ANAPC5: variants seen among roughly 807,000 people sequenced by gnomAD.
The protein encoded by ANAPC5 is anaphase promoting complex subunit 5.
A neutral mutation model predicts 91.3 loss-of-function variants in ANAPC5; 60 were observed. That is an observed-to-expected ratio of 0.66 (90% CI 0.53 to 0.81). The LOEUF (loss-of-function observed/expected upper bound fraction) is 0.81, where lower values mean the gene tolerates loss of function less well. ANAPC5 is among the 40% of genes least tolerant of loss of function. The probability of loss-of-function intolerance (pLI) is 0.00; values close to 1 mark genes in which losing one functional copy is unlikely to be tolerated. For synonymous variants in ANAPC5, 340 were observed against 364.1 expected, an observed-to-expected ratio of 0.93 and a Z score of 0.75; for missense variants, 690 against 931.5, an observed-to-expected ratio of 0.74 and a Z score of 3.37.
intron 2 of ANAPC5, chr12:121,347,585 T>C: frequency 1.9e-6 from 1 of 525,482 alleles, no homozygotes; most frequent in Admixed American, 3.5e-5. Context: ...GAGCCCTGAT[T>C]GCACCATTGT....
At chr12:121,345,346 A>G (rs1249643867) in intron 4 of ANAPC5, among the ~76,000 whole-genome samples, 3 of 152,188 alleles carry the variant, frequency 2.0e-5, no homozygotes, top group African/African-American at 4.8e-5. Context: ...GAAAACAAAG[A>G]ACACATTCAA....
chr12:121,310,636 T>C (rs980048273), intron 15 of ANAPC5, among the ~76,000 whole-genome samples: 1 of 151,722 alleles, frequency 6.6e-6, no homozygotes, highest in Admixed American at 6.6e-5. Flanking sequence ...AAAAAAGATA[T>C]GACATATAGA....
chr12:121,333,763 C>A (rs1378789743), intron 7 of ANAPC5: 1 of 152,214 alleles, frequency 6.6e-6, no homozygotes, highest in African/African-American at 2.4e-5. Context: ...AGCTCTCAAT[C>A]TTCTCCCGTA....
Position 121,314,620 on chromosome 12 carries a change from T to C in ANAPC5, c.1893+3657A>G, listed in dbSNP as rs2948125. On this transcript the variant is annotated intron_variant, in intron 15 of 16. Coordinates refer to ENST00000261819, the MANE Select transcript of ANAPC5 (RefSeq NM_016237.5). The stretch of plus-strand genomic sequence containing the variant: ...CCCCTACAGGAACAAAATAAGGACA[T>C]ACACTTTTTTTTTTTTTGAGAGGGA... Among the ~76,000 whole-genome samples the C allele has an allele frequency of 7.0e-3, 1,057 of 150,766 alleles. 6 individuals are homozygous for C. The highest frequency in any genetic ancestry group is 0.025 in the African/African-American group (1,000 of 40,704).
At chr12:121,336,425 C>T (rs1387159378) in intron 6 of ANAPC5, among the ~76,000 whole-genome samples, 3 of 152,174 alleles carry the variant, frequency 2.0e-5, no homozygotes, top group African/African-American at 7.2e-5. Context: ...TGCCTGTAAT[C>T]CCAGCACTTT....
intron 13 of ANAPC5, 103 bp from the exon 14 acceptor site, chr12:121,318,711 T>G: frequency 9.4e-7 from 1 of 1,058,906 alleles, no homozygotes; most frequent in Admixed American, 2.1e-5. Context: ...GGGAAAAAAC[T>G]GTGCCTGATT....
rs775514694 is a variant in ANAPC5 at position 121,338,545 on chromosome 12, C to T, written c.658-1153G>A. 3.3e-4 allele frequency among the ~76,000 whole-genome samples: 50 copies of T among 152,092 alleles called. 1 individual carries two copies. Among genetic ancestry groups the T allele is most frequent in the South Asian group, 2.3e-3 (11 of 4,822 alleles). On this transcript the variant is annotated intron_variant, in intron 5 of 16. Coordinates refer to ENST00000261819, the MANE Select transcript of ANAPC5 (RefSeq NM_016237.5). Reference sequence around the variant, plus strand: ...CAGAGATTACAGTGAGCCGAAATCACGCCACTGCACTCCAGCCTGGGTGAC... The same window carrying T: ...CAGAGATTACAGTGAGCCGAAATCATGCCACTGCACTCCAGCCTGGGTGAC...
intron 7 of ANAPC5, chr12:121,334,910 C>A (rs1566190652): frequency 6.6e-6 from 1 of 152,132 alleles, no homozygotes; most frequent in South Asian, 2.1e-4. Flanking sequence ...ATGAAAGAGG[C>A]TAGGCACTAA....
At chr12:121,341,372 A>T (rs376706141) in intron 5 of ANAPC5, among the ~76,000 whole-genome samples, 1 of 151,762 alleles carries the variant, frequency 6.6e-6, no homozygotes, top group South Asian at 2.1e-4. Flanking sequence ...TGGGAGTCTG[A>T]TGCATAAGAA....
rs1555273365 is a variant in ANAPC5, at chr12:121,335,593, C to T, written c.890G>A (p.Gly297Asp). The T allele has an allele frequency of 6.2e-7, 1 of 1,613,790 alleles. No individual in the cohort carries two copies. Among genetic ancestry groups the T allele is most frequent in the East Asian group, 2.2e-5 (1 of 44,906 alleles). Residue 297 changes from glycine to aspartate, a missense_variant, in exon 7 of 17, where the codon GGC becomes GAC. By Grantham distance (94) the Gly-to-Asp change is moderately conservative. Coordinates refer to ENST00000261819, the MANE Select transcript of ANAPC5 (RefSeq NM_016237.5). ...ESKSNGEEGY[G>D]RSLRYAALNL... ...CAGAGCGGCGTATCTCAAGCTCCGG[C>T]CATAGCCCTCTTCCCCATTACTTTT...
intron 5 of ANAPC5, among the ~76,000 whole-genome samples, chr12:121,339,907 G>T (rs1210815405): frequency 8.1e-6 from 1 of 123,666 alleles, no homozygotes; most frequent in African/African-American, 3.2e-5. Context: ...ATGGAGTGTC[G>T]TTCTTGTGGC....
chr12:121,347,646 C>T (rs1230902469), intron 2 of ANAPC5, 156 bp downstream of exon 2: 1 of 617,170 alleles, frequency 1.6e-6, no homozygotes, highest in Middle Eastern at 4.2e-4. Context: ...AAAAAGCTAT[C>T]CATTTTTCAA....
At chr12:121,338,072 T>C (rs1903312937) in intron 5 of ANAPC5, among the ~76,000 whole-genome samples, 1 of 152,164 alleles carries the variant, frequency 6.6e-6, no homozygotes, top group Admixed American at 6.6e-5. Context: ...AGTTTTTCTA[T>C]AAGTAAAATA....
At chr12:121,334,718 C>CGG (rs1555273233) in intron 7 of ANAPC5, 4 of 152,144 alleles carry the variant, frequency 2.6e-5, no homozygotes, top group Admixed American at 1.3e-4. Context: ...TGAAAGCAAA[C>CGG]CTGACTTTCA....
At chr12:121,352,033 G>A (rs1230505294) in intron 1 of ANAPC5, 101 bp downstream of exon 1, 2 of 1,063,644 alleles carry the variant, frequency 1.9e-6, no homozygotes, top group East Asian at 5.2e-5. Flanking sequence ...GGCAGGGAGA[G>A]TATCTGATGG....
In ANAPC5 at chr12:121,308,596, C is replaced by T. The variant is rs765497377; in HGVS notation, c.2152G>A (p.Ala718Thr). Residue 718 changes from alanine to threonine, a missense_variant, in exon 17 of 17, where the codon GCC (alanine) becomes ACC (threonine). By Grantham distance (58) the Ala-to-Thr change is moderately conservative. Coordinates refer to ENST00000261819, the MANE Select transcript of ANAPC5 (RefSeq NM_016237.5). The stretch of plus-strand genomic sequence containing the variant: ...TTCCCCAGGGTATGGTAGAGTCTGG[C>T]CTGGAAGTAAACGACGTCCCTGATG... ...ERIRDVVYFQ[A>T]RLYHTLGKTQ... 2 of 1,614,008 alleles carry T rather than the reference C, an allele frequency of 1.2e-6. No individual in the cohort carries two copies. The highest frequency in any genetic ancestry group is 1.7e-6 in the Non-Finnish European group (2 of 1,180,034).
intron 5 of ANAPC5, among the ~76,000 whole-genome samples, chr12:121,339,849 T>C: frequency 6.7e-6 from 1 of 150,150 alleles, no homozygotes; most frequent in Non-Finnish European, 1.5e-5. Flanking sequence ...AATTATCTTC[T>C]CCTACATGTT....
chr12:121,308,799 T>G, intron 16 of ANAPC5, 108 bp from the exon 17 acceptor site: 2 of 930,092 alleles, frequency 2.2e-6, no homozygotes, highest in South Asian at 2.9e-5. Context: ...GAAGATTCTT[T>G]TATATTCTCC....
chr12:121,332,693 C>CA (rs1903088380), intron 7 of ANAPC5: 1 of 151,896 alleles, frequency 6.6e-6, no homozygotes, highest in Non-Finnish European at 1.5e-5. Flanking sequence ...AGCTAAGTGA[C>CA]AAAGATTTAC....
Sources: allele counts gnomAD v4.1 joint callset (sites outside exome capture counted in the v4.1 genomes callset), GRCh38; gene constraint gnomAD v4.1.1; transcripts MANE v1.5; gene names NCBI Gene and HGNC (gene_info 2026-07-23, HGNC 2026-07-21).